DYNLT2: variants seen among roughly 807,000 people sequenced by gnomAD.
DYNLT2 encodes the protein dynein light chain Tctex-type 2, also known as dynein light chain Tctex-type protein 2.
Under a neutral mutation model 24.3 loss-of-function variants are expected in DYNLT2, and 24 were observed. That is an observed-to-expected ratio of 0.99 (90% CI 0.71 to 1.39). The LOEUF is 1.39. DYNLT2 is among the 40% of genes most tolerant of loss of function. The probability of loss-of-function intolerance (pLI) is 0.00; values close to 1 mark genes in which losing one functional copy is unlikely to be tolerated. For synonymous variants in DYNLT2, 85 were observed against 85.4 expected (o/e 1.00, Z 0.03); for missense variants, 246 against 234.5 (o/e 1.05, Z -0.32).
Position 169,743,108 on chromosome 6 carries a change from A to T in DYNLT2, c.458T>A (p.Phe153Tyr), listed in dbSNP as rs2128335674. 1 of 1,574,660 alleles carries T rather than the reference A, an allele frequency of 6.4e-7. No homozygotes were observed. The highest frequency in any genetic ancestry group is 2.3e-5 in the East Asian group (1 of 44,290). ...TATTGCTTGGCCAGTCTTTTGAATA[A>T]ATAATACTTTTATAATGAACTTATA... The part of the protein sequence containing the change: ...HRYKFIIKVL[F>Y]IQKTGQAINI... Residue 153 changes from phenylalanine to tyrosine, a missense_variant, in exon 3 of 4, where the codon TTT (phenylalanine) becomes TAT (tyrosine). Physicochemically the swap from Phe to Tyr is conservative, Grantham distance 22. Transcript: ENST00000366774.
At chr6:169,735,041 A>C in the DYNLT2 span, among the ~76,000 whole-genome samples, 13 of 152,094 alleles carry the variant, frequency 8.5e-5, no homozygotes, top group Admixed American at 4.6e-4. Context: ...CCAGGAATTT[A>C]TCCATTTCTT....
In DYNLT2 at chr6:169,744,145, C is replaced by A. The variant is rs147456843; in HGVS notation, c.250G>T (p.Ala84Ser). 4.2e-5 allele frequency: 67 copies of A among 1,613,322 alleles called. 1 individual carries two copies. The African/African-American group carries it at 8.4e-4, about 20-fold the overall frequency. The change falls in exon 2 of 4, where the codon GCT (alanine) becomes TCT (serine). Residue 84 changes from alanine to serine, a missense_variant. Physicochemically the swap from Ala to Ser is moderately conservative, Grantham distance 99 (BLOSUM62 1). Transcript: ENST00000366774. ...WKSALAKLKF[A>S]NSYRMEPLKK... ...AATGGCTCCATTCTATATGAATTAG[C>A]AAACTTTAATTTTGCCAGGGCACTC... is the stretch of plus-strand genomic sequence containing the variant.
At chr6:169,742,699 A>G (rs766318258) in intron 3 of DYNLT2, among the ~76,000 whole-genome samples, 2 of 152,108 alleles carry the variant, frequency 1.3e-5, no homozygotes, top group Non-Finnish European at 2.9e-5. Flanking sequence ...CCCAGTCTCA[A>G]GTGAGTCTCC....
downstream of DYNLT2, among the ~76,000 whole-genome samples, chr6:169,738,322 C>T (rs904024511): frequency 6.6e-6 from 1 of 152,264 alleles, no homozygotes; most frequent in Non-Finnish European, 1.5e-5. Context: ...GTGCTGGCCA[C>T]CCTTCCTCAT....
chr6:169,736,134 TTTTG>T (rs869096285), downstream of DYNLT2, among the ~76,000 whole-genome samples: 7 of 127,306 alleles, frequency 5.5e-5, no homozygotes, highest in Admixed American at 3.6e-4. Flanking sequence ...TGTTTCGTTT[TTTTG>T]TTTGTTTTTT....
chr6:169,739,452 T>C (rs1337352726), downstream of DYNLT2, among the ~76,000 whole-genome samples: 2 of 152,128 alleles, frequency 1.3e-5, no homozygotes, highest in African/African-American at 4.8e-5. Context: ...CATGATTAAA[T>C]TCTGTCAAGC....
the DYNLT2 span, among the ~76,000 whole-genome samples, chr6:169,733,755 T>C: frequency 6.6e-6 from 1 of 152,216 alleles, no homozygotes; most frequent in South Asian, 2.1e-4. Context: ...CTTAGGATTG[T>C]CTTGGCTATA....
Position 169,751,382 on chromosome 6 carries a change from G to A in DYNLT2, c.77C>T (p.Thr26Met), listed in dbSNP as rs144832798. ...GCTAGGCCTCCTTTCTTTCCTAGGC[G>A]TCACCGGAGCCTGCTGAGGGGTCTG... ...PNQTPQQAPV[T>M]PRKERRPSMF... The change falls in exon 1 of 4, where the codon ACG becomes ATG. Residue 26 changes from threonine to methionine, a missense_variant. Coordinates refer to ENST00000366774, the MANE Select transcript of DYNLT2 (RefSeq NM_174910.3). The A allele has an allele frequency of 2.5e-6, 4 of 1,614,012 alleles. No homozygotes were observed. In the African/African-American group the frequency reaches 5.3e-5, roughly 22 times the overall value.
At chr6:169,734,634 G>A in the DYNLT2 span, among the ~76,000 whole-genome samples, 1 of 152,228 alleles carries the variant, frequency 6.6e-6, no homozygotes, top group Non-Finnish European at 1.5e-5. Flanking sequence ...CAGGGATGAA[G>A]CCGACTTGAT....
chr6:169,731,752 T>A, the DYNLT2 span, among the ~76,000 whole-genome samples: 3 of 152,194 alleles, frequency 2.0e-5, no homozygotes, highest in Non-Finnish European at 4.4e-5. Context: ...TGAAGCTATT[T>A]TGAGCCACTT....
chr6:169,743,575 A>G (rs2128335771), intron 2 of DYNLT2, among the ~76,000 whole-genome samples: 1 of 152,332 alleles, frequency 6.6e-6, no homozygotes, highest in Non-Finnish European at 1.5e-5. Flanking sequence ...TAGGTAAAGG[A>G]AAGAAACCTT....
downstream of DYNLT2, among the ~76,000 whole-genome samples, chr6:169,737,792 T>C (rs1045225045): frequency 6.6e-6 from 1 of 152,036 alleles, no homozygotes; most frequent in African/African-American, 2.4e-5. Context: ...CCCAGTTGGG[T>C]GACACAGGGA....
the DYNLT2 span, among the ~76,000 whole-genome samples, chr6:169,731,424 G>A: frequency 3.3e-5 from 5 of 152,172 alleles, no homozygotes; most frequent in Non-Finnish European, 5.9e-5. Flanking sequence ...AGTTTTATGT[G>A]TAAGGTATGG....
At chr6:169,742,845 T>C (rs4395726) in intron 3 of DYNLT2, among the ~76,000 whole-genome samples, 28,489 of 152,030 alleles carry the variant, frequency 0.19, 3,362 homozygotes, top group African/African-American at 0.32. Flanking sequence ...GTGATCCACC[T>C]GCCTCAGCCT....
the DYNLT2 span, among the ~76,000 whole-genome samples, chr6:169,733,055 CAT>C: frequency 6.6e-6 from 1 of 151,612 alleles, no homozygotes; most frequent in African/African-American, 2.4e-5. Flanking sequence ...GCTTTTTTTC[CAT>C]ATGTTTGTTG....
At chr6:169,732,834 G>A in the DYNLT2 span, among the ~76,000 whole-genome samples, 9 of 152,238 alleles carry the variant, frequency 5.9e-5, no homozygotes, top group Non-Finnish European at 1.2e-4. Flanking sequence ...GGTATTTCTG[G>A]TTCTAGATCC....
chr6:169,729,286 A>C, the DYNLT2 span, among the ~76,000 whole-genome samples: 3 of 152,296 alleles, frequency 2.0e-5, no homozygotes, highest in Non-Finnish European at 4.4e-5. Flanking sequence ...TATGGCTTCT[A>C]TGGTGCCTTT....
intron 1 of DYNLT2, among the ~76,000 whole-genome samples, chr6:169,745,074 A>G (rs926259717): frequency 1.3e-5 from 2 of 151,636 alleles, no homozygotes; most frequent in Non-Finnish European, 2.9e-5. Context: ...ATCGAGTATG[A>G]TGTTTGCTGT....
At chr6:169,734,217 T>C in the DYNLT2 span, among the ~76,000 whole-genome samples, 1 of 152,220 alleles carries the variant, frequency 6.6e-6, no homozygotes, top group Non-Finnish European at 1.5e-5. Context: ...TATAAAATCA[T>C]GTCATCTGCA....
Sources: gnomAD v4.1 joint callset for allele counts (sites outside exome capture counted in the v4.1 genomes callset) on GRCh38, gnomAD v4.1.1 for gene constraint, MANE v1.5 for transcripts, NCBI Gene and HGNC (gene_info 2026-07-23, HGNC 2026-07-21) for gene names.